The following EFCC1 variants were observed in gnomAD, a reference collection of about 807,000 sequenced individuals.
EFCC1 encodes the protein EF-hand and coiled-coil domain-containing protein 1.
EFCC1 carries 50 observed loss-of-function variants against 52.1 expected under a neutral mutation model. The ratio of observed to expected loss-of-function variants is 0.96; its 90% CI spans 0.76 to 1.21. EFCC1 has a LOEUF of 1.21. EFCC1 is among the 50% of genes most tolerant of loss of function. EFCC1 has a pLI of 0.00. For missense variants in EFCC1, 837 were observed against 867.3 expected, an observed-to-expected ratio of 0.97 and a Z score of 0.44; for synonymous variants, 399 against 396.5, an observed-to-expected ratio of 1.01 and a Z score of -0.08.
chr3:129,031,966 G>C (rs1946280895), intron 3 of EFCC1, among the ~76,000 whole-genome samples: 2 of 152,198 alleles, frequency 1.3e-5, no homozygotes, highest in African/African-American at 4.8e-5. Context: ...CCCTGGAGCT[G>C]GGTGGAGAGG....
At position 129,032,977 on chromosome 3, in the gene EFCC1, C is replaced by A. The variant is rs1259991274; in HGVS notation, c.1286+11C>A. 6.6e-7 allele frequency: 1 copy of A among 1,520,896 alleles called. No homozygotes were observed. 94.2% of individuals were successfully genotyped at this position (1,520,896 alleles called of 1,614,324 possible). A position where few individuals can be genotyped will look rare whatever the true frequency, so the allele number is the denominator to read the frequency against. ...CAGCTGCAGAGGCAGGTGTGTGGCC[C>A]GTCCAGCGTCAGCCACTGTGGGCCG... On this transcript the variant is annotated intron_variant, in intron 4 of 7. Coordinates refer to ENST00000683648, the MANE Select transcript of EFCC1 (RefSeq NM_001377500.1).
At chr3:129,035,919 A>G (rs1946348016) in intron 5 of EFCC1, among the ~76,000 whole-genome samples, 1 of 152,204 alleles carries the variant, frequency 6.6e-6, no homozygotes, top group African/African-American at 2.4e-5. Context: ...ACAGGTGAAC[A>G]CTTGTGGTGA....
At chr3:129,002,435 GGCA>G in intron 1 of EFCC1, 111 bp downstream of exon 1, 1 of 1,413,666 alleles carries the variant, frequency 7.1e-7, no homozygotes, top group Non-Finnish European at 9.2e-7. Flanking sequence ...GGAGACAGAG[GGCA>G]GCCCCACACC....
At chr3:129,025,698 G>A (rs1342652089) in intron 2 of EFCC1, among the ~76,000 whole-genome samples, 2 of 152,140 alleles carry the variant, frequency 1.3e-5, no homozygotes, top group Admixed American at 1.3e-4. Context: ...GCAGAGAGAG[G>A]GGCAATGGGA....
At chr3:129,034,836 C>T (rs1039716446) in intron 5 of EFCC1, among the ~76,000 whole-genome samples, 27 of 152,252 alleles carry the variant, frequency 1.8e-4, no homozygotes, top group Middle Eastern at 3.4e-3. Flanking sequence ...GTCATGTGCC[C>T]GTCCCTGGGC....
intron 1 of EFCC1, 143 bp from the exon 2 acceptor site, chr3:129,003,651 C>G: frequency 1.2e-6 from 1 of 849,956 alleles, no homozygotes; most frequent in East Asian, 4.0e-5. Context: ...ACCTAAGGGC[C>G]TGGCACCCGG....
At position 129,034,246 on chromosome 3, in the gene EFCC1, C is replaced by G; in HGVS notation, c.1369C>G (p.Leu457Val). The G allele has an allele frequency of 6.2e-7, 1 of 1,614,174 alleles. No homozygotes were observed. The highest frequency in any genetic ancestry group is 8.5e-7 in the Non-Finnish European group (1 of 1,180,042). ...GANHAHTLGE[L>V]EACIAMLVEQ... is the part of the protein sequence containing the mutation. ...CAACCATGCCCATACCCTGGGGGAG[C>G]TGGAGGCCTGCATTGCCATGCTGGT... is the stretch of plus-strand genomic sequence containing the variant. Residue 457 changes from leucine to valine, a missense_variant, in exon 5 of 8, where the codon CTG (leucine) becomes GTG (valine). Leu to Val is a conservative substitution (Grantham distance 32). Transcript: ENST00000683648.
chr3:129,002,151 C>A lies in EFCC1; in HGVS notation c.523C>A (p.Arg175Ser). 6.8e-7 allele frequency: 1 copy of A among 1,470,268 alleles called. No homozygotes were observed. The highest frequency in any genetic ancestry group is 1.4e-5 in the South Asian group (1 of 72,422). The allele number at this position is 1,470,268 out of a possible 1,614,324, so 91.1% of individuals were successfully genotyped here. Residue 175 changes from arginine to serine, a missense_variant, in exon 1 of 8, where the codon CGC becomes AGC. Transcript: ENST00000683648. ...ALSEHIETQI[R>S]LRRPRRRRRP... ...CAGCGAGCACATCGAGACGCAGATC[C>A]GCCTGCGCCGTCCGCGCCGCCGCCG... is the stretch of plus-strand genomic sequence containing the variant.
intron 2 of EFCC1, among the ~76,000 whole-genome samples, chr3:129,021,762 T>C (rs1009287546): frequency 2.6e-5 from 4 of 152,210 alleles, no homozygotes; most frequent in Admixed American, 6.5e-5. Flanking sequence ...AATGTATCCA[T>C]CACAGACAGG....
chr3:129,038,052 A>G (rs1354160271), intron 6 of EFCC1, among the ~76,000 whole-genome samples: 2 of 142,066 alleles, frequency 1.4e-5, no homozygotes, highest in Non-Finnish European at 3.0e-5. Context: ...TGACAGAGTA[A>G]GACCTTATCT....
chr3:129,029,612 C>G (rs1946227280), intron 2 of EFCC1, among the ~76,000 whole-genome samples: 1 of 151,210 alleles, frequency 6.6e-6, no homozygotes, highest in African/African-American at 2.4e-5. Context: ...GAGTCTGGCT[C>G]TGTTGCCCAG....
At chr3:129,036,782 G>A (rs376930642) in intron 5 of EFCC1, among the ~76,000 whole-genome samples, 195 bp from the exon 6 acceptor site, 5 of 152,256 alleles carry the variant, frequency 3.3e-5, no homozygotes, top group African/African-American at 1.2e-4. Context: ...AGAAGAGAAG[G>A]GAGAATGGAG....
intron 2 of EFCC1, among the ~76,000 whole-genome samples, chr3:129,007,660 A>T (rs902876552): frequency 1.2e-4 from 19 of 152,104 alleles, no homozygotes; most frequent in Non-Finnish European, 2.5e-4. Context: ...TGGGGTTGGG[A>T]GTGGTTTTAC....
Position 129,003,877 on chromosome 3 carries a change from G to T in EFCC1, c.780G>T (p.Ala260=), listed in dbSNP as rs1318399818. The change falls in exon 2 of 8, where the codon GCG becomes GCT. Residue 260 remains alanine, a synonymous_variant. Coordinates refer to ENST00000683648, the MANE Select transcript of EFCC1 (RefSeq NM_001377500.1). ...PEAAVRELRQ[A]QGALAAAEAR... is the part of the protein sequence containing the mutation. ...CTGCGGTGCGGGAGCTGCGTCAGGC[G>T]CAGGGCGCCCTGGCTGCGGCGGAGG... 5 of 1,411,658 alleles carry T rather than the reference G, an allele frequency of 3.5e-6. No homozygotes were observed. The highest frequency in any genetic ancestry group is 2.8e-6 in the Non-Finnish European group (3 of 1,084,508). 87.4% of individuals were successfully genotyped at this position (1,411,658 alleles called of 1,614,324 possible).
intron 3 of EFCC1, among the ~76,000 whole-genome samples, chr3:129,032,008 G>C (rs1404258155): frequency 6.6e-6 from 1 of 152,136 alleles, no homozygotes; most frequent in African/African-American, 2.4e-5. Flanking sequence ...CCTGGGGACG[G>C]GGATGGGGAC....
intron 6 of EFCC1, among the ~76,000 whole-genome samples, chr3:129,037,334 T>C (rs1336350363): frequency 1.3e-5 from 2 of 152,254 alleles, no homozygotes; most frequent in African/African-American, 4.8e-5. Context: ...CTCTTGTATG[T>C]ATCCTTTTCT....
chr3:129,032,741 G>A (rs955914087), intron 3 of EFCC1, 78 bp from the exon 4 acceptor site: 15 of 1,506,052 alleles, frequency 1.0e-5, no homozygotes, highest in African/African-American at 5.5e-5. Context: ...CTGGGGCTGC[G>A]CTGCACATGT....
intron 2 of EFCC1, among the ~76,000 whole-genome samples, chr3:129,027,569 G>T (rs748333988): frequency 6.6e-6 from 1 of 152,286 alleles, no homozygotes; most frequent in Non-Finnish European, 1.5e-5. Flanking sequence ...AGGGGCCATG[G>T]CTCCGAATGG....
At chr3:129,020,123 G>T (rs143987404) in intron 2 of EFCC1, among the ~76,000 whole-genome samples, 3 of 152,228 alleles carry the variant, frequency 2.0e-5, no homozygotes, top group South Asian at 2.1e-4. Flanking sequence ...GACGATGCAG[G>T]CCAGATTAAA....
Sources: allele counts gnomAD v4.1 joint callset (sites outside exome capture counted in the v4.1 genomes callset), GRCh38; gene constraint gnomAD v4.1.1; transcripts MANE v1.5; gene names NCBI Gene and HGNC (gene_info 2026-07-23, HGNC 2026-07-21).